Variants in PCSK1 observed in about 807,000 individuals in gnomAD.
The protein encoded by PCSK1 is neuroendocrine convertase 1.
A neutral mutation model predicts 90.6 loss-of-function variants in PCSK1; 56 were observed. The observed-to-expected ratio is 0.62, with a 90% CI of 0.50 to 0.77. The LOEUF is 0.77. Ranked by LOEUF, PCSK1 falls within the 30% of genes least tolerant of loss-of-function variation. The pLI is 0.00. For synonymous variants in PCSK1, 348 were observed against 342.4 expected, an observed-to-expected ratio of 1.02 and a Z score of -0.18; for missense variants, 801 against 932.6, an observed-to-expected ratio of 0.86 and a Z score of 1.84.
chr5:96,394,414 G>A (rs1206907382), intron 13 of PCSK1, among the ~76,000 whole-genome samples: 1 of 152,142 alleles, frequency 6.6e-6, no homozygotes, highest in African/African-American at 2.4e-5. Flanking sequence ...ATAAAAAGAA[G>A]CCTACATGAT....
intron 9 of PCSK1, among the ~76,000 whole-genome samples, chr5:96,405,341 C>T (rs1222776130): frequency 6.6e-6 from 1 of 152,150 alleles, no homozygotes; most frequent in Non-Finnish European, 1.5e-5. Context: ...ATATGCCATA[C>T]ATACATTTAT....
chr5:96,419,387 TA>T, intron 5 of PCSK1, among the ~76,000 whole-genome samples: 1 of 56,764 alleles, frequency 1.8e-5, no homozygotes, highest in Non-Finnish European at 3.3e-5. Flanking sequence ...ATACTTATTA[TA>T]TATATATATA....
chr5:96,394,337 T>G (rs1760057066), intron 13 of PCSK1, among the ~76,000 whole-genome samples: 1 of 152,348 alleles, frequency 6.6e-6, no homozygotes, highest in East Asian at 1.9e-4. Context: ...TCCTCTGAAA[T>G]TTTTTGAGAA....
At chr5:96,424,200 AAAT>A (rs1480975554) in intron 3 of PCSK1, among the ~76,000 whole-genome samples, 16 of 152,312 alleles carry the variant, frequency 1.1e-4, no homozygotes, top group Middle Eastern at 3.4e-3. Context: ...AGAAATCTAT[AAAT>A]AACCACAATC....
At chr5:96,432,018 A>G in intron 1 of PCSK1, 2 of 1,185,144 alleles carry the variant, frequency 1.7e-6, no homozygotes, top group Non-Finnish European at 2.4e-6. Context: ...CCAGCTACCT[A>G]TCGACCAAGC....
chr5:96,405,739 C>T (rs775108205), intron 9 of PCSK1, among the ~76,000 whole-genome samples: 2 of 152,134 alleles, frequency 1.3e-5, no homozygotes, highest in Non-Finnish European at 2.9e-5. Flanking sequence ...GAAAAAGAAG[C>T]CTTGAGGTTT....
intron 1 of PCSK1, among the ~76,000 whole-genome samples, chr5:96,432,477 C>G (rs1232021308): frequency 6.6e-6 from 1 of 152,178 alleles, no homozygotes; most frequent in Non-Finnish European, 1.5e-5. Flanking sequence ...CGCCTCAGTC[C>G]CGGGGGATGG....
chr5:96,404,591 T>A (rs1760493085), intron 9 of PCSK1, among the ~76,000 whole-genome samples: 1 of 152,118 alleles, frequency 6.6e-6, no homozygotes, highest in African/African-American at 2.4e-5. Flanking sequence ...TATAAGAAAC[T>A]CATAAATGCA....
At chr5:96,412,889 G>GGGGGCCC in intron 6 of PCSK1, 1 of 329,994 alleles carries the variant, frequency 3.0e-6, no homozygotes, top group Non-Finnish European at 4.6e-6. Flanking sequence ...CAAAATGTTT[G>GGGGGCCC]CCCTCCCTCC....
intron 4 of PCSK1, 26 bp downstream of exon 4, chr5:96,423,287 A>G (rs770909154): frequency 4.4e-6 from 7 of 1,593,268 alleles, no homozygotes; most frequent in Non-Finnish European, 5.1e-6. Flanking sequence ...TCCCTAAGTC[A>G]CAGTCATGAG....
chr5:96,406,184 A>G (rs1209141242), intron 9 of PCSK1, among the ~76,000 whole-genome samples: 2 of 152,162 alleles, frequency 1.3e-5, no homozygotes, highest in African/African-American at 4.8e-5. Flanking sequence ...CCTTCATTTT[A>G]TAGATGGAAA....
intron 2 of PCSK1, among the ~76,000 whole-genome samples, chr5:96,427,611 C>T (rs1761351058): frequency 6.6e-6 from 1 of 152,130 alleles, no homozygotes; most frequent in Non-Finnish European, 1.5e-5. Flanking sequence ...ACCAAATCAG[C>T]TATCAAGGGG....
Position 96,393,139 on chromosome 5 carries a change from G to A in PCSK1, c.2124C>T (p.Asn708=). 3.7e-6 allele frequency: 6 copies of A among 1,614,190 alleles called. No individual in the cohort carries two copies. The highest frequency in any genetic ancestry group is 5.1e-6 in the Non-Finnish European group (6 of 1,180,016). Residue 708 remains asparagine (N), a synonymous_variant, in exon 14 of 14, where the codon AAC becomes AAT. Coordinates refer to ENST00000311106, the MANE Select transcript of PCSK1 (RefSeq NM_000439.5). Reference sequence around the variant, plus strand: ...CAGAGTCTTTAAGCTGGGAAGGTTTGTTCAGCTTTTCCAGGGCTTCGTAGA... The same window carrying A: ...CAGAGTCTTTAAGCTGGGAAGGTTTATTCAGCTTTTCCAGGGCTTCGTAGA... The part of the protein sequence containing the change: ...ENFYEALEKL[N]KPSQLKDSED...
At chr5:96,411,845 T>A (rs753170548) in intron 7 of PCSK1, among the ~76,000 whole-genome samples, 5 of 152,238 alleles carry the variant, frequency 3.3e-5, no homozygotes, top group Admixed American at 6.5e-5. Context: ...GGTCTCACTC[T>A]GTCACCCAGG....
In PCSK1 at chr5:96,399,941, G is replaced by A; in HGVS notation, c.1430+12C>T. Reference sequence around the variant, plus strand: ...GGGCACACATGTGTTTAAAATTCCAGGAGATACTTACCTGGGCTCAAAGTC... The same window carrying A: ...GGGCACACATGTGTTTAAAATTCCAAGAGATACTTACCTGGGCTCAAAGTC... On this transcript the variant is annotated intron_variant, in intron 10 of 13. Coordinates refer to ENST00000311106, the MANE Select transcript of PCSK1 (RefSeq NM_000439.5). 1 of 1,591,994 alleles carries A rather than the reference G, an allele frequency of 6.3e-7. No individual in the cohort carries two copies. The highest frequency in any genetic ancestry group is 8.6e-7 in the Non-Finnish European group (1 of 1,160,066).
Position 96,393,156 on chromosome 5 carries a change from C to T in PCSK1, c.2107G>A (p.Ala703Thr), listed in dbSNP as rs1760008823. 1 of 1,614,172 alleles carries T rather than the reference C, an allele frequency of 6.2e-7. No individual in the cohort carries two copies. Among genetic ancestry groups the T allele is most frequent in the Non-Finnish European group, 8.5e-7 (1 of 1,180,018 alleles). ...GAAGGTTTGTTCAGCTTTTCCAGGG[C>T]TTCGTAGAAGTTTTCATAAGGGATG... is the stretch of plus-strand genomic sequence containing the variant. ...LNIPYENFYE[A>T]LEKLNKPSQL... Residue 703 changes from alanine (A) to threonine (T), a missense_variant, in exon 14 of 14, where the codon GCC (alanine) becomes ACC (threonine). Ala to Thr is a moderately conservative substitution (Grantham distance 58, BLOSUM62 0). Coordinates refer to ENST00000311106, the MANE Select transcript of PCSK1 (RefSeq NM_000439.5).
chr5:96,412,313 C>T lies in PCSK1; in HGVS notation c.882+5G>A, dbSNP rs1221821350. 2.5e-6 allele frequency: 4 copies of T among 1,613,158 alleles called. No individual in the cohort carries two copies. Among genetic ancestry groups the T allele is most frequent in the Non-Finnish European group, 3.4e-6 (4 of 1,179,170 alleles). ...TTTCATGTGGGTCTGTGTAAAGCAT[C>T]TTACCTGTTTGACACCATATTCAAA... On this transcript the variant is annotated splice_donor_5th_base_variant and intron_variant, in intron 7 of 13. Coordinates refer to ENST00000311106, the MANE Select transcript of PCSK1 (RefSeq NM_000439.5).
At chr5:96,398,478 G>A (rs753034051) in intron 11 of PCSK1, among the ~76,000 whole-genome samples, 1 of 152,032 alleles carries the variant, frequency 6.6e-6, no homozygotes, top group Non-Finnish European at 1.5e-5. Context: ...TCCTCTAATC[G>A]ATCTGAATTC....
At chr5:96,412,924 C>T (rs186567138) in intron 6 of PCSK1, 1 of 1,005,878 alleles carries the variant, frequency 9.9e-7, no homozygotes, top group Admixed American at 5.3e-5. Flanking sequence ...GACAGACCAG[C>T]TTTCAGAAAG....
Sources: gnomAD v4.1 joint callset for allele counts (sites outside exome capture counted in the v4.1 genomes callset) on GRCh38, gnomAD v4.1.1 for gene constraint, MANE v1.5 for transcripts, NCBI Gene and HGNC (gene_info 2026-07-23, HGNC 2026-07-21) for gene names.